EPM2AIP1: variants seen among roughly 807,000 people sequenced by gnomAD.
EPM2AIP1 encodes the protein EPM2A interacting protein 1.
A neutral mutation model predicts 44.8 loss-of-function variants in EPM2AIP1; 23 were observed. The ratio of observed to expected loss-of-function variants is 0.51; its 90% confidence interval spans 0.37 to 0.73. The LOEUF (loss-of-function observed/expected upper bound fraction) is 0.73. Among genes scored for constraint, EPM2AIP1 ranks in the 30% least tolerant of loss-of-function variants. The pLI is 0.00. For synonymous variants in EPM2AIP1, 311 were observed against 284.3 expected (o/e 1.09, Z -0.94); for missense variants, 652 against 743.9 (o/e 0.88, Z 1.44).
chr3:36,988,987 C>CTTTTTTTTT lies in EPM2AIP1; in HGVS notation c.*2258_*2266dup, dbSNP rs71091694. On this transcript the variant is annotated 3_prime_UTR_variant, in exon 1 of 1. Coordinates refer to ENST00000322716, the MANE Select transcript of EPM2AIP1 (RefSeq NM_014805.4). ...CAGTAAAATACACTTTTTTCTTTTT[C>CTTTTTTTTT]TTTTTTTTTTTTTTTTTTTACAAAC... is the stretch of plus-strand genomic sequence containing the variant. 8.7e-6 allele frequency: 1 copy of CTTTTTTTTT among 115,042 alleles called. No individual in the cohort carries two copies. Among genetic ancestry groups the CTTTTTTTTT allele is most frequent in the Non-Finnish European group, 1.8e-5 (1 of 55,678 alleles). The allele number at this position is 115,042 out of a possible 1,614,324, so 7.1% of individuals were successfully genotyped here. A position where few individuals can be genotyped will look rare whatever the true frequency, so the allele number is the denominator to read the frequency against.
At position 36,992,751 on chromosome 3, in the gene EPM2AIP1, G is replaced by T; in HGVS notation, c.327C>A (p.Ala109=). Residue 109 remains alanine (A), a synonymous_variant, in exon 1 of 1, where the codon GCC becomes GCA. Transcript: ENST00000322716. The surrounding 1 kb of genome is among the most constrained non-coding windows in gnomAD (Gnocchi z 5.3). ...RAGLGLCRLL[A]LKGRGWGEGD... Reference sequence around the variant, plus strand: ...CCTCACCCCAGCCGCGACCCTTCAAGGCCAAGAGGCGGCAGAGCCCGAGGC... The same window carrying T: ...CCTCACCCCAGCCGCGACCCTTCAATGCCAAGAGGCGGCAGAGCCCGAGGC... 1.2e-6 allele frequency: 2 copies of T among 1,613,864 alleles called. No individual in the cohort carries two copies. The highest frequency in any genetic ancestry group is 1.1e-5 in the South Asian group (1 of 91,090).
In EPM2AIP1 at chr3:36,993,095, G is replaced by A. The variant is rs754863250; in HGVS notation, c.-18C>T. 6.2e-5 allele frequency: 98 copies of A among 1,586,242 alleles called. 1 individual carries two copies. The South Asian group carries it at 1.0e-3, about 16-fold the overall frequency. The stretch of plus-strand genomic sequence containing the variant: ...ATCCACATTCTGCGGGAGGCCACAA[G>A]AGCAGGGCCAACGTTAGAAAGGCCG... On this transcript the variant is annotated 5_prime_UTR_variant, in exon 1 of 1. Transcript: ENST00000322716.
At position 36,990,352 on chromosome 3, in the gene EPM2AIP1, CA is replaced by C; in HGVS notation, c.*901del. The C allele has an allele frequency of 1.1e-6, 1 of 946,866 alleles. No individual in the cohort carries two copies. Among genetic ancestry groups the C allele is most frequent in the Non-Finnish European group, 1.3e-6 (1 of 796,706 alleles). The allele number at this position is 946,866 out of a possible 1,614,324, so 58.7% of individuals were successfully genotyped here. A position where few individuals can be genotyped will look rare whatever the true frequency, so the allele number is the denominator to read the frequency against. On this transcript the variant is annotated 3_prime_UTR_variant, in exon 1 of 1. Transcript: ENST00000322716. The stretch of plus-strand genomic sequence containing the variant: ...AGCAGCAATACCCACGCAGATAAGA[CA>C]AAAAAGCTAAAATATCTCACACCTC...
rs997544181 is a variant in EPM2AIP1 at position 36,985,921 on chromosome 3, T to C, written c.*5333A>G. The C allele has an allele frequency of 6.6e-6, 1 of 152,246 alleles. No individual in the cohort carries two copies. The highest frequency in any genetic ancestry group is 1.5e-5 in the Non-Finnish European group (1 of 68,042). The allele number at this position is 152,246 out of a possible 1,614,324, so 9.4% of individuals were successfully genotyped here. A position where few individuals can be genotyped will look rare whatever the true frequency, so the allele number is the denominator to read the frequency against. The stretch of plus-strand genomic sequence containing the variant: ...TAAGGAGCTAGACAGATTTTGCCCA[T>C]GGACCATAGTTTGATCATGGCCAAC... On this transcript the variant is annotated 3_prime_UTR_variant, in exon 1 of 1. Transcript: ENST00000322716.
Position 36,992,821 on chromosome 3 carries a change from A to G in EPM2AIP1, c.257T>C (p.Leu86Ser). Residue 86 changes from leucine (L) to serine (S), a missense_variant, in exon 1 of 1, where the codon TTG (leucine) becomes TCG (serine). Transcript: ENST00000322716. The surrounding 1 kb of genome is among the most constrained non-coding windows in gnomAD (Gnocchi z 5.3). The stretch of plus-strand genomic sequence containing the variant: ...TTCAGGAGTGAAGGAGGCCACGGGC[A>G]AGTCGCCCTGACGCAGACGCTCCAC... The part of the protein sequence containing the change: ...ALVERLRQGD[L>S]PVASFTPEER... The G allele has an allele frequency of 1.9e-6, 3 of 1,612,282 alleles. No individual in the cohort carries two copies. Among genetic ancestry groups the G allele is most frequent in the Non-Finnish European group, 2.5e-6 (3 of 1,179,774 alleles).
rs999374740 is a variant in EPM2AIP1 at position 36,986,526 on chromosome 3, A to C, written c.*4728T>G. 2.0e-5 allele frequency: 3 copies of C among 152,188 alleles called. No homozygotes were observed. Among genetic ancestry groups the C allele is most frequent in the Non-Finnish European group, 4.4e-5 (3 of 68,040 alleles). The allele number at this position is 152,188 out of a possible 1,614,324, so 9.4% of individuals were successfully genotyped here. A position where few individuals can be genotyped will look rare whatever the true frequency, so the allele number is the denominator to read the frequency against. On this transcript the variant is annotated 3_prime_UTR_variant, in exon 1 of 1. Coordinates refer to ENST00000322716, the MANE Select transcript of EPM2AIP1 (RefSeq NM_014805.4). ...CCGGGTGCAGAGGCTCACACGTATA[A>C]CACCAACATTTTGGGAGCCCGAGGC...
chr3:36,990,762 G>A lies in EPM2AIP1; in HGVS notation c.*492C>T, dbSNP rs17035860. ...AAAGTCTCAAACATTTTGATGGTTAGACAAAACACCTCCACTGTTATGTAT... is the reference window on the plus strand; with the variant it reads ...AAAGTCTCAAACATTTTGATGGTTAAACAAAACACCTCCACTGTTATGTAT... On this transcript the variant is annotated 3_prime_UTR_variant, in exon 1 of 1. Transcript: ENST00000322716. The A allele has an allele frequency of 8.4e-3, 8,289 of 985,480 alleles. 483 individuals are homozygous for A. In the African/African-American group the frequency reaches 0.13, roughly 15 times the overall value. The allele number at this position is 985,480 out of a possible 1,614,324, so 61.0% of individuals were successfully genotyped here. A position where few individuals can be genotyped will look rare whatever the true frequency, so the allele number is the denominator to read the frequency against.
In EPM2AIP1 at chr3:36,991,488, A is replaced by G; in HGVS notation, c.1590T>C (p.Ala530=). 2 of 1,613,966 alleles carry G rather than the reference A, an allele frequency of 1.2e-6. No homozygotes were observed. The highest frequency in any genetic ancestry group is 1.1e-5 in the South Asian group (1 of 91,080). ...YRIKDLGQFY[A]GLSAESYPII... ...TTGGGTAGGATTCAGCAGACAATCC[A>G]GCATAAAACTGCCCCAAGTCTTTGA... is the stretch of plus-strand genomic sequence containing the variant. The change falls in exon 1 of 1, where the codon GCT becomes GCC. Residue 530 remains alanine, a synonymous_variant. Coordinates refer to ENST00000322716, the MANE Select transcript of EPM2AIP1 (RefSeq NM_014805.4).
rs1575371321 is a variant in EPM2AIP1, at chr3:36,992,976, G to T, written c.102C>A (p.Gly34=). The T allele has an allele frequency of 6.2e-7, 1 of 1,613,066 alleles. No individual in the cohort carries two copies. The highest frequency in any genetic ancestry group is 8.5e-7 in the Non-Finnish European group (1 of 1,179,884). ...GACAGACCAGGCACAGGGCCCCATC[G>T]CCCTCCGGAGGCTCCACCACCAAAT... The part of the protein sequence containing the change: ...QRYLVVEPPE[G]DGALCLVCRR... The change falls in exon 1 of 1, where the codon GGC becomes GGA. Residue 34 remains glycine (G), a synonymous_variant. Coordinates refer to ENST00000322716, the MANE Select transcript of EPM2AIP1 (RefSeq NM_014805.4). This position sits in a 1 kb window ranked among gnomAD's most constrained non-coding sequence, Gnocchi z 5.3.
Position 36,988,974 on chromosome 3 carries a change from CT to C in EPM2AIP1, c.*2279del, listed in dbSNP as rs1212708807. The C allele has an allele frequency of 7.2e-6, 1 of 139,256 alleles. No homozygotes were observed. The highest frequency in any genetic ancestry group is 1.5e-5 in the Non-Finnish European group (1 of 65,964). The allele number at this position is 139,256 out of a possible 1,614,324, so 8.6% of individuals were successfully genotyped here. ...TTAATACAGAAAACAGTAAAATACA[CT>C]TTTTTCTTTTTCTTTTTTTTTTTTT... On this transcript the variant is annotated 3_prime_UTR_variant, in exon 1 of 1. Transcript: ENST00000322716.
chr3:36,990,784 G>A lies in EPM2AIP1; in HGVS notation c.*470C>T. On this transcript the variant is annotated 3_prime_UTR_variant, in exon 1 of 1. Transcript: ENST00000322716. Reference sequence around the variant, plus strand: ...TTAGACAAAACACCTCCACTGTTATGTATGGGCTTCCTTTTTGGAAACTTA... The same window carrying A: ...TTAGACAAAACACCTCCACTGTTATATATGGGCTTCCTTTTTGGAAACTTA... The A allele has an allele frequency of 4.1e-6, 4 of 986,018 alleles. No homozygotes were observed. Among genetic ancestry groups the A allele is most frequent in the Non-Finnish European group, 4.8e-6 (4 of 830,350 alleles). 61.1% of individuals were successfully genotyped at this position (986,018 alleles called of 1,614,324 possible).
chr3:36,989,457 T>C lies in EPM2AIP1; in HGVS notation c.*1797A>G, dbSNP rs1342250951. 3 of 152,042 alleles carry C rather than the reference T, an allele frequency of 2.0e-5. No individual in the cohort carries two copies. In the East Asian group the frequency reaches 5.8e-4, roughly 29 times the overall value. 9.4% of individuals were successfully genotyped at this position (152,042 alleles called of 1,614,324 possible). A position where few individuals can be genotyped will look rare whatever the true frequency, so the allele number is the denominator to read the frequency against. ...AGAGCCCTTAAATCTGATTCAATTATTAATTCCTGATTTACAAGTGCTATG... is the reference window on the plus strand; with the variant it reads ...AGAGCCCTTAAATCTGATTCAATTACTAATTCCTGATTTACAAGTGCTATG... On this transcript the variant is annotated 3_prime_UTR_variant, in exon 1 of 1. Transcript: ENST00000322716.
chr3:36,991,011 TAA>T lies in EPM2AIP1; in HGVS notation c.*241_*242del. 8.4e-7 allele frequency: 1 copy of T among 1,193,484 alleles called. No homozygotes were observed. The highest frequency in any genetic ancestry group is 1.0e-6 in the Non-Finnish European group (1 of 961,116). The allele number at this position is 1,193,484 out of a possible 1,614,324, so 73.9% of individuals were successfully genotyped here. On this transcript the variant is annotated 3_prime_UTR_variant, in exon 1 of 1. Transcript: ENST00000322716. ...AATCTCTTTAAAATTAACTATATCA[TAA>T]AAGACAATGACTTTGTCACTAAACT...
rs2080789751 is a variant in EPM2AIP1 at position 36,989,320 on chromosome 3, T to C, written c.*1934A>G. 6.6e-6 allele frequency: 1 copy of C among 152,026 alleles called. No homozygotes were observed. The highest frequency in any genetic ancestry group is 6.6e-5 in the Admixed American group (1 of 15,256). The allele number at this position is 152,026 out of a possible 1,614,324, so 9.4% of individuals were successfully genotyped here. ...TTTTTTCGGTTTTCCACTATGTTGT[T>C]TCTCTAGATATGTAAGCTTACTCTA... On this transcript the variant is annotated 3_prime_UTR_variant, in exon 1 of 1. Coordinates refer to ENST00000322716, the MANE Select transcript of EPM2AIP1 (RefSeq NM_014805.4).
At position 36,988,984 on chromosome 3, in the gene EPM2AIP1, TTTC is replaced by T. The variant is rs1234971876; in HGVS notation, c.*2267_*2269del. 7.2e-5 allele frequency: 10 copies of T among 138,630 alleles called. No individual in the cohort carries two copies. Among genetic ancestry groups the T allele is most frequent in the African/African-American group, 2.2e-4 (7 of 31,248 alleles). 8.6% of individuals were successfully genotyped at this position (138,630 alleles called of 1,614,324 possible). ...AAACAGTAAAATACACTTTTTTCTTTTTCTTTTTTTTTTTTTTTTTTTACAAAC... is the reference window on the plus strand; with the variant it reads ...AAACAGTAAAATACACTTTTTTCTTTTTTTTTTTTTTTTTTTTTTACAAAC... On this transcript the variant is annotated 3_prime_UTR_variant, in exon 1 of 1. Coordinates refer to ENST00000322716, the MANE Select transcript of EPM2AIP1 (RefSeq NM_014805.4).
Position 36,989,552 on chromosome 3 carries a change from C to A in EPM2AIP1, c.*1702G>T, listed in dbSNP as rs557644322. The A allele has an allele frequency of 6.6e-6, 1 of 151,908 alleles. No homozygotes were observed. The highest frequency in any genetic ancestry group is 2.1e-4 in the South Asian group (1 of 4,800). 9.4% of individuals were successfully genotyped at this position (151,908 alleles called of 1,614,324 possible). ...CCAAATTTAGAAGGTTGGAATTAGT[C>A]TCTCCTATCTAGTATTCTGTCAGTT... On this transcript the variant is annotated 3_prime_UTR_variant, in exon 1 of 1. Coordinates refer to ENST00000322716, the MANE Select transcript of EPM2AIP1 (RefSeq NM_014805.4).
Position 36,992,206 on chromosome 3 carries a change from T to C in EPM2AIP1, c.872A>G (p.Asp291Gly), listed in dbSNP as rs769246599. The change falls in exon 1 of 1, where the codon GAT becomes GGT. Residue 291 changes from aspartate (D) to glycine (G), a missense_variant. Asp to Gly is a moderately conservative substitution (Grantham distance 94). Transcript: ENST00000322716. The surrounding 1 kb of genome is among the most constrained non-coding windows in gnomAD (Gnocchi z 5.3). ...FLHLELLSSYDVDVNQIINTI... is the reference protein window; with the variant it reads ...FLHLELLSSYGVDVNQIINTI... ...ATTTATGATCTGATTAACATCTACA[T>C]CATAGGAGCTCAACAGTTCCAAGTG... 1 of 1,613,988 alleles carries C rather than the reference T, an allele frequency of 6.2e-7. No individual in the cohort carries two copies. Among genetic ancestry groups the C allele is most frequent in the Non-Finnish European group, 8.5e-7 (1 of 1,179,888 alleles).
Position 36,986,327 on chromosome 3 carries a change from G to A in EPM2AIP1, c.*4927C>T, listed in dbSNP as rs998865305. The A allele has an allele frequency of 2.6e-5, 4 of 152,030 alleles. No individual in the cohort carries two copies. Among genetic ancestry groups the A allele is most frequent in the South Asian group, 2.1e-4 (1 of 4,818 alleles). The allele number at this position is 152,030 out of a possible 1,614,324, so 9.4% of individuals were successfully genotyped here. On this transcript the variant is annotated 3_prime_UTR_variant, in exon 1 of 1. Transcript: ENST00000322716. The stretch of plus-strand genomic sequence containing the variant: ...AGAAGAGATGAACTCAGAAAAGACT[G>A]GTCAGTTTGCAGGCAAAAATGAAAA...
Position 36,992,505 on chromosome 3 carries a change from G to C in EPM2AIP1, c.573C>G (p.Leu191=), listed in dbSNP as rs1559497299. The part of the protein sequence containing the change: ...DQAFVAYENY[L]LVFIRGVGPE... ...GGCCTACACCGCGGATAAAGACCAG[G>C]AGGTAGTTCTCATAGGCCACAAAAG... Residue 191 remains leucine, a synonymous_variant, in exon 1 of 1, where the codon CTC becomes CTG. Transcript: ENST00000322716. The surrounding 1 kb of genome is among the most constrained non-coding windows in gnomAD (Gnocchi z 5.3). 6.2e-7 allele frequency: 1 copy of C among 1,614,002 alleles called. No homozygotes were observed. The highest frequency in any genetic ancestry group is 8.5e-7 in the Non-Finnish European group (1 of 1,179,880).
Sources: allele counts gnomAD v4.1 joint callset, GRCh38; gene constraint gnomAD v4.1.1; non-coding constraint Gnocchi (gnomAD v3.1); transcripts MANE v1.5; gene names NCBI Gene and HGNC (gene_info 2026-07-23, HGNC 2026-07-21).